BRAF: variants seen among roughly 807,000 people sequenced by gnomAD.
BRAF encodes B-Raf proto-oncogene, serine/threonine kinase, also known as serine/threonine-protein kinase B-raf.
In BRAF, 16 loss-of-function variants were observed where a neutral mutation model predicts 104.6. The observed-to-expected ratio is 0.15, with a 90% CI of 0.10 to 0.23. BRAF has a LOEUF of 0.23. Ranked by LOEUF, BRAF falls within the 10% of genes least tolerant of loss-of-function variation. BRAF has a pLI of 1.00. For missense variants in BRAF, 541 were observed against 937.3 expected (o/e 0.58, Z 5.52); for synonymous variants, 310 against 341.6 (o/e 0.91, Z 1.02).
In BRAF at chr7:140,823,669, T is replaced by C. The variant is rs201552073; in HGVS notation, c.504+10940A>G. On this transcript the variant is annotated intron_variant, in intron 3 of 19. Transcript: ENST00000644969. ...ATCCTGCTTTCAATTATTTTGGGTA[T>C]ATACACAGAAGGAGAATTGATGGAT... 13 of 152,368 alleles carry C rather than the reference T, an allele frequency of 8.5e-5. No homozygotes were observed. In the East Asian group the frequency reaches 1.7e-3, roughly 20 times the overall value. 9.4% of individuals were successfully genotyped at this position (152,368 alleles called of 1,614,324 possible).
intron 2 of BRAF, 70 bp downstream of exon 2, chr7:140,850,041 A>G (rs1213817436): frequency 1.2e-5 from 13 of 1,093,950 alleles, no homozygotes; most frequent in Middle Eastern, 2.9e-4. Flanking sequence ...CAAGATTATC[A>G]GTACAAATGT....
chr7:140,812,490 T>C (rs1804389396), intron 3 of BRAF, among the ~76,000 whole-genome samples: 1 of 152,190 alleles, frequency 6.6e-6, no homozygotes, highest in Non-Finnish European at 1.5e-5. Flanking sequence ...ACTCCAGTAA[T>C]GCACTTCAAA....
chr7:140,890,129 C>G (rs1262588003), intron 1 of BRAF, among the ~76,000 whole-genome samples: 1 of 152,186 alleles, frequency 6.6e-6, no homozygotes, highest in Non-Finnish European at 1.5e-5. Context: ...TTTCTTGACA[C>G]AGCCCTATTA....
intron 17 of BRAF, among the ~76,000 whole-genome samples, chr7:140,744,664 G>A (rs2130925742): frequency 6.6e-6 from 1 of 151,908 alleles, no homozygotes; most frequent in Admixed American, 6.6e-5. Flanking sequence ...AATATGGAAA[G>A]AATCAATACT....
chr7:140,847,214 T>G (rs1001882408), intron 2 of BRAF, among the ~76,000 whole-genome samples: 7 of 152,104 alleles, frequency 4.6e-5, no homozygotes, highest in African/African-American at 2.4e-5. Flanking sequence ...ATTTATATGT[T>G]CATTGTCTAT....
At chr7:140,763,768 A>C (rs1228692272) in intron 14 of BRAF, among the ~76,000 whole-genome samples, 1 of 152,234 alleles carries the variant, frequency 6.6e-6, no homozygotes, top group African/African-American at 2.4e-5. Flanking sequence ...ATCTCTGAAT[A>C]GACCAATAAC....
At chr7:140,880,690 G>C (rs1345493990) in intron 1 of BRAF, among the ~76,000 whole-genome samples, 2 of 152,038 alleles carry the variant, frequency 1.3e-5, no homozygotes, top group Admixed American at 6.6e-5. Context: ...TTGATCCATG[G>C]GCTGCAGAAT....
At position 140,829,384 on chromosome 7, in the gene BRAF, G is replaced by C. The variant is rs1806464651; in HGVS notation, c.504+5225C>G. On this transcript the variant is annotated intron_variant, in intron 3 of 19. Transcript: ENST00000644969. ...GGTATTTAATCTCTTGATTCTGATA[G>C]AATTTACTTTTGTAAGCAGTCTAAG... 5.6e-5 allele frequency among the ~76,000 whole-genome samples: 8 copies of C among 143,376 alleles called. No individual in the cohort carries two copies. The Admixed American group carries it at 5.8e-4, about 10-fold the overall frequency. The allele number at this position is 143,376 out of a possible 152,430, so 94.1% of individuals were successfully genotyped here. A position where few individuals can be genotyped will look rare whatever the true frequency, so the allele number is the denominator to read the frequency against.
At chr7:140,798,830 C>T (rs1802779696) in intron 7 of BRAF, among the ~76,000 whole-genome samples, 1 of 151,808 alleles carries the variant, frequency 6.6e-6, no homozygotes, top group African/African-American at 2.4e-5. Flanking sequence ...TACTATGAAG[C>T]TTAAATGACG....
intron 3 of BRAF, 118 bp from the exon 4 acceptor site, chr7:140,809,113 C>A (rs1407253840): frequency 1.4e-6 from 1 of 733,234 alleles, no homozygotes; most frequent in Non-Finnish European, 2.4e-6. Context: ...AGGTCAGATA[C>A]AACACCATTT....
At chr7:140,767,960 T>C (rs147379557) in intron 14 of BRAF, among the ~76,000 whole-genome samples, 104 of 152,244 alleles carry the variant, frequency 6.8e-4, no homozygotes, top group African/African-American at 2.4e-3. Flanking sequence ...CCACAGAACA[T>C]AGTTGGCATA....
chr7:140,793,617 T>C lies in BRAF; in HGVS notation c.1140+691A>G, dbSNP rs934038581. ...GTTGGTCATAATGCCAAGCTTATGATAGCACAAATTGAAATTCTTTTCTTT... is the reference window on the plus strand; with the variant it reads ...GTTGGTCATAATGCCAAGCTTATGACAGCACAAATTGAAATTCTTTTCTTT... On this transcript the variant is annotated intron_variant, in intron 8 of 19. Coordinates refer to ENST00000644969, the MANE Select transcript of BRAF (RefSeq NM_001374258.1). 1.1e-4 allele frequency among the ~76,000 whole-genome samples: 17 copies of C among 152,316 alleles called. 1 individual carries two copies. The highest frequency in any genetic ancestry group is 9.2e-4 in the Admixed American group (14 of 15,294).
At chr7:140,750,745 G>A (rs1797720750) in intron 16 of BRAF, among the ~76,000 whole-genome samples, 1 of 152,068 alleles carries the variant, frequency 6.6e-6, no homozygotes, top group Non-Finnish European at 1.5e-5. Flanking sequence ...AATGTTCAAA[G>A]CCTGACCAAT....
intron 1 of BRAF, among the ~76,000 whole-genome samples, chr7:140,914,508 C>G (rs1228871217): frequency 6.6e-6 from 1 of 152,124 alleles, no homozygotes; most frequent in Non-Finnish European, 1.5e-5. Context: ...ATCATAATCT[C>G]TTCCCTATTT....
downstream of BRAF, among the ~76,000 whole-genome samples, chr7:140,715,221 A>G (rs945484797): frequency 2.6e-5 from 4 of 152,162 alleles, no homozygotes; most frequent in African/African-American, 4.8e-5. Flanking sequence ...GAAAAGCTGA[A>G]GCAAGTGGAA....
At chr7:140,869,903 A>T (rs1472189622) in intron 1 of BRAF, among the ~76,000 whole-genome samples, 1 of 152,218 alleles carries the variant, frequency 6.6e-6, no homozygotes, top group Non-Finnish European at 1.5e-5. Context: ...GAAAGTCATG[A>T]CTTTTAACAC....
intron 7 of BRAF, chr7:140,799,777 T>C (rs1802893170): frequency 4.2e-6 from 1 of 236,982 alleles, no homozygotes; most frequent in Non-Finnish European, 8.3e-6. Flanking sequence ...TCATAAATTG[T>C]AGATTATAAT....
rs1795509708 is a variant in BRAF, at chr7:140,724,781, T to C, written c.*1713A>G. 2 of 1,035,432 alleles carry C rather than the reference T, an allele frequency of 1.9e-6. No homozygotes were observed. Among genetic ancestry groups the C allele is most frequent in the African/African-American group, 3.4e-5 (2 of 59,532 alleles). The allele number at this position is 1,035,432 out of a possible 1,614,324, so 64.1% of individuals were successfully genotyped here. A position where few individuals can be genotyped will look rare whatever the true frequency, so the allele number is the denominator to read the frequency against. On this transcript the variant is annotated 3_prime_UTR_variant, in exon 20 of 20. Transcript: ENST00000644969. Reference sequence around the variant, plus strand: ...TTCTTTCAAGTCCTTGGCTATAGCTTGGTTGGTCTGATTTGATTTGTGTTC... The same window carrying C: ...TTCTTTCAAGTCCTTGGCTATAGCTCGGTTGGTCTGATTTGATTTGTGTTC...
chr7:140,767,076 T>C (rs936110637), intron 14 of BRAF, among the ~76,000 whole-genome samples: 4 of 152,086 alleles, frequency 2.6e-5, no homozygotes, highest in African/African-American at 4.8e-5. Flanking sequence ...CGATCTTGAC[T>C]CTCTGCAGCC....
Sources: gnomAD v4.1 joint callset for allele counts (sites outside exome capture counted in the v4.1 genomes callset) on GRCh38, gnomAD v4.1.1 for gene constraint, MANE v1.5 for transcripts, NCBI Gene and HGNC (gene_info 2026-07-23, HGNC 2026-07-21) for gene names.